Variants in LHFPL3 observed in about 807,000 individuals in gnomAD.
The protein encoded by LHFPL3 is LHFPL tetraspan subfamily member 3 protein.
In LHFPL3, 5 loss-of-function variants were observed where a neutral mutation model predicts 19.3. That is an observed-to-expected ratio of 0.26 (90% CI 0.14 to 0.54). The LOEUF is 0.54. LHFPL3 is among the 20% of genes least tolerant of loss of function. The probability of loss-of-function intolerance (pLI) is 0.94; values close to 1 mark genes in which losing one functional copy is unlikely to be tolerated. For missense variants in LHFPL3, 249 were observed against 307.4 expected (o/e 0.81, Z 1.42); for synonymous variants, 133 against 126.2 (o/e 1.05, Z -0.36).
chr7:104,384,668 T>C (rs1197945173), intron 1 of LHFPL3, among the ~76,000 whole-genome samples: 1 of 151,546 alleles, frequency 6.6e-6, no homozygotes, highest in Non-Finnish European at 1.5e-5. Context: ...ATGCCTGTAA[T>C]GCCAGCTACT....
chr7:104,381,335 T>C (rs1424375947), intron 1 of LHFPL3, among the ~76,000 whole-genome samples: 2 of 152,208 alleles, frequency 1.3e-5, no homozygotes, highest in Non-Finnish European at 2.9e-5. Flanking sequence ...ATTGGGCTTC[T>C]AGTATTTTTG....
intron 2 of LHFPL3, among the ~76,000 whole-genome samples, chr7:104,896,625 C>T (rs1377260173): frequency 6.6e-6 from 1 of 152,048 alleles, no homozygotes; most frequent in Non-Finnish European, 1.5e-5. Flanking sequence ...GGAGCAAAGG[C>T]CCAGAGGTGG....
intron 1 of LHFPL3, among the ~76,000 whole-genome samples, chr7:104,565,399 CA>C (rs1790099209): frequency 6.6e-6 from 1 of 152,132 alleles, no homozygotes; most frequent in Admixed American, 6.5e-5. Context: ...GAGCAGTCTT[CA>C]AAAAGCTGTA....
At chr7:104,559,333 G>C (rs1382184700) in intron 1 of LHFPL3, among the ~76,000 whole-genome samples, 1 of 149,854 alleles carries the variant, frequency 6.7e-6, no homozygotes, top group African/African-American at 2.5e-5. Flanking sequence ...TCTTCCATTT[G>C]TTTGTATCCT....
At chr7:104,330,226 T>TA (rs1801543582) in intron 1 of LHFPL3, among the ~76,000 whole-genome samples, 1 of 152,220 alleles carries the variant, frequency 6.6e-6, no homozygotes, top group Admixed American at 6.5e-5. Flanking sequence ...CCCTCCCTTC[T>TA]AAAGTCAAGG....
chr7:104,882,686 G>A (rs1256740001), intron 2 of LHFPL3, among the ~76,000 whole-genome samples: 2 of 152,174 alleles, frequency 1.3e-5, no homozygotes, highest in Non-Finnish European at 2.9e-5. Flanking sequence ...TCATGGTGAT[G>A]AAAATATTCT....
chr7:104,421,754 A>G (rs901115564), intron 1 of LHFPL3, among the ~76,000 whole-genome samples: 2 of 152,216 alleles, frequency 1.3e-5, no homozygotes, highest in African/African-American at 4.8e-5. Context: ...TTGTTCAGAA[A>G]TTGTAAAGAA....
chr7:104,590,657 C>T (rs1164188759), intron 1 of LHFPL3, among the ~76,000 whole-genome samples: 3 of 152,140 alleles, frequency 2.0e-5, no homozygotes, highest in African/African-American at 7.2e-5. Context: ...AGTTCAGTTC[C>T]TGGATATCCC....
At chr7:104,342,758 G>A (rs1203544469) in intron 1 of LHFPL3, among the ~76,000 whole-genome samples, 1 of 152,136 alleles carries the variant, frequency 6.6e-6, no homozygotes, top group Non-Finnish European at 1.5e-5. Context: ...ATTAGCCCCA[G>A]TGCCCTGCTA....
chr7:104,537,082 A>C (rs914118833), intron 1 of LHFPL3, among the ~76,000 whole-genome samples: 1 of 152,310 alleles, frequency 6.6e-6, no homozygotes. Context: ...TTCTTTAATG[A>C]GCCTGGCTGA....
intron 1 of LHFPL3, among the ~76,000 whole-genome samples, chr7:104,606,928 G>C (rs1022744965): frequency 5.3e-5 from 8 of 152,020 alleles, no homozygotes; most frequent in African/African-American, 1.9e-4. Context: ...ACTGCAGGAG[G>C]GTTCAGTTAG....
chr7:104,563,007 CA>C (rs1483302023), intron 1 of LHFPL3, among the ~76,000 whole-genome samples: 2 of 152,204 alleles, frequency 1.3e-5, no homozygotes, highest in African/African-American at 4.8e-5. Context: ...GGTCAGGGGT[CA>C]GGGACCCACT....
intron 2 of LHFPL3, among the ~76,000 whole-genome samples, chr7:104,876,628 A>C (rs1477669332): frequency 6.6e-6 from 1 of 151,764 alleles, no homozygotes; most frequent in Non-Finnish European, 1.5e-5. Flanking sequence ...AGGAAACAAC[A>C]GGTGCTGGAG....
intron 1 of LHFPL3, among the ~76,000 whole-genome samples, chr7:104,574,830 T>A (rs1344548007): frequency 6.6e-6 from 1 of 152,204 alleles, no homozygotes; most frequent in Non-Finnish European, 1.5e-5. Flanking sequence ...TAGATATTAC[T>A]GTTCTGAAGG....
Position 104,656,333 on chromosome 7 carries a change from A to T in LHFPL3, c.446-80342A>T, listed in dbSNP as rs546136593. Reference sequence around the variant, plus strand: ...TGATCCATTAGCCTAGTGAGGCCTGAGGAGGCCTGGTGTAGGCCAGAGAGG... The same window carrying T: ...TGATCCATTAGCCTAGTGAGGCCTGTGGAGGCCTGGTGTAGGCCAGAGAGG... On this transcript the variant is annotated intron_variant, in intron 1 of 2. Transcript: ENST00000424859. 2.0e-5 allele frequency among the ~76,000 whole-genome samples: 3 copies of T among 152,242 alleles called. No homozygotes were observed. The South Asian group carries it at 6.2e-4, about 32-fold the overall frequency.
intron 1 of LHFPL3, chr7:104,668,335 A>T: frequency 6.3e-7 from 1 of 1,596,162 alleles, no homozygotes. Context: ...GACAAAACAG[A>T]TACAGACTGG....
At chr7:104,492,944 G>C (rs2115699290) in intron 1 of LHFPL3, among the ~76,000 whole-genome samples, 1 of 152,208 alleles carries the variant, frequency 6.6e-6, no homozygotes, top group Admixed American at 6.5e-5. Flanking sequence ...TCTTGAGTCT[G>C]TAATTAGGGA....
intron 1 of LHFPL3, among the ~76,000 whole-genome samples, chr7:104,474,871 C>G (rs529710487): frequency 6.6e-6 from 1 of 152,086 alleles, no homozygotes; most frequent in African/African-American, 2.4e-5. Context: ...AGAGGAAGCA[C>G]ACGCCAAGAT....
At chr7:104,387,346 C>T (rs1398259412) in intron 1 of LHFPL3, among the ~76,000 whole-genome samples, 1 of 151,676 alleles carries the variant, frequency 6.6e-6, no homozygotes, top group East Asian at 1.9e-4. Context: ...CCAGCCTGGG[C>T]AACAAGAATG....
Sources: allele counts gnomAD v4.1 joint callset (sites outside exome capture counted in the v4.1 genomes callset), GRCh38; gene constraint gnomAD v4.1.1; transcripts MANE v1.5; gene names NCBI Gene and HGNC (gene_info 2026-07-23, HGNC 2026-07-21).